PBLD: variants seen among roughly 807,000 people sequenced by gnomAD.
PBLD encodes the protein phenazine biosynthesis like protein domain containing, also known as phenazine biosynthesis-like domain-containing protein.
Under a neutral mutation model 31.3 loss-of-function variants are expected in PBLD, and 26 were observed. The observed-to-expected ratio is 0.83, with a 90% confidence interval of 0.61 to 1.15. The LOEUF (loss-of-function observed/expected upper bound fraction) is 1.15, where lower values mean the gene tolerates loss of function less well. Among genes scored for constraint, PBLD ranks in the 50% most tolerant of loss-of-function variants. PBLD has a pLI of 0.00. For missense variants in PBLD, 307 were observed against 351.7 expected (o/e 0.87, Z 1.02); for synonymous variants, 114 against 129.0 (o/e 0.88, Z 0.79).
intron 1 of PBLD, among the ~76,000 whole-genome samples, chr10:68,324,302 A>C (rs2044880822): frequency 6.6e-6 from 1 of 151,710 alleles, no homozygotes; most frequent in African/African-American, 2.4e-5. Flanking sequence ...TCAGCCTCTC[A>C]AGTAGCTGGG....
At chr10:68,309,406 CAAAAAAAAAA>C (rs58152894) in intron 1 of PBLD, among the ~76,000 whole-genome samples, 39,179 of 114,832 alleles carry the variant, frequency 0.34, 7,402 homozygotes, top group Non-Finnish European at 0.41. Context: ...GATTATGTTT[CAAAAAAAAAA>C]AAAAAAAAAA....
At chr10:68,328,143 C>T (rs2044953013) in intron 1 of PBLD, among the ~76,000 whole-genome samples, 1 of 152,044 alleles carries the variant, frequency 6.6e-6, no homozygotes, top group South Asian at 2.1e-4. Context: ...GGATATAAAC[C>T]AAAGAATAAG....
intron 6 of PBLD, among the ~76,000 whole-genome samples, chr10:68,290,281 C>G (rs2044342090): frequency 6.6e-6 from 1 of 152,178 alleles, no homozygotes; most frequent in Admixed American, 6.5e-5. Context: ...TTGGGTGGTA[C>G]TTGGGCTTTC....
chr10:68,323,831 T>C (rs1275956020), intron 1 of PBLD, among the ~76,000 whole-genome samples: 1 of 152,142 alleles, frequency 6.6e-6, no homozygotes, highest in Non-Finnish European at 1.5e-5. Flanking sequence ...CTCATTCTAG[T>C]TTTTACAACA....
At chr10:68,332,100 C>T (rs969732792) in intron 1 of PBLD, 3 of 152,352 alleles carry the variant, frequency 2.0e-5, no homozygotes, top group Non-Finnish European at 4.4e-5. Context: ...GCGGTTGTCA[C>T]CGCTGGAGAC....
chr10:68,297,017 C>A (rs1350575338), intron 2 of PBLD, 32 bp from the exon 3 acceptor site: 2 of 1,526,960 alleles, frequency 1.3e-6, no homozygotes, highest in African/African-American at 2.7e-5. Flanking sequence ...ATTGAGGTTT[C>A]AAAAACACAG....
intron 1 of PBLD, among the ~76,000 whole-genome samples, chr10:68,324,399 T>G (rs756758507): frequency 6.6e-6 from 1 of 151,732 alleles, no homozygotes; most frequent in African/African-American, 2.4e-5. Context: ...ATGGTCTCGA[T>G]CTCTTGACCT....
chr10:68,316,783 A>T (rs1163386430), intron 1 of PBLD, among the ~76,000 whole-genome samples: 1 of 152,040 alleles, frequency 6.6e-6, no homozygotes, highest in African/African-American at 2.4e-5. Context: ...GAGGCTGAGG[A>T]GGGCAGATTG....
At chr10:68,316,839 C>A (rs891681993) in intron 1 of PBLD, among the ~76,000 whole-genome samples, 1 of 152,092 alleles carries the variant, frequency 6.6e-6, no homozygotes, top group Non-Finnish European at 1.5e-5. Flanking sequence ...ACAGTGAAAC[C>A]CTGTCTCTAC....
chr10:68,302,697 T>C (rs1332156251), intron 2 of PBLD, among the ~76,000 whole-genome samples: 3 of 151,966 alleles, frequency 2.0e-5, no homozygotes, highest in Non-Finnish European at 2.9e-5. Flanking sequence ...AAAAATTAGC[T>C]GAGCGTGGTG....
At chr10:68,311,344 T>C (rs1448617335) in intron 1 of PBLD, among the ~76,000 whole-genome samples, 2 of 152,062 alleles carry the variant, frequency 1.3e-5, no homozygotes, top group South Asian at 2.1e-4. Context: ...CCCAGCACTT[T>C]GGGAGGCTGA....
At chr10:68,321,541 C>T (rs1210680857) in intron 1 of PBLD, among the ~76,000 whole-genome samples, 2 of 152,070 alleles carry the variant, frequency 1.3e-5, no homozygotes, top group African/African-American at 4.8e-5. Context: ...AATTACATAA[C>T]AGATAGGAAA....
At chr10:68,295,646 C>T (rs547102364) in intron 4 of PBLD, among the ~76,000 whole-genome samples, 63 of 151,880 alleles carry the variant, frequency 4.1e-4, no homozygotes, top group African/African-American at 1.4e-3. Flanking sequence ...TTCACAAAGA[C>T]CAGAGATCTC....
At chr10:68,327,297 C>T (rs1359539339) in intron 1 of PBLD, among the ~76,000 whole-genome samples, 1 of 152,158 alleles carries the variant, frequency 6.6e-6, no homozygotes, top group East Asian at 1.9e-4. Flanking sequence ...TCCCTGCCCC[C>T]AGTGTGACCA....
chr10:68,315,022 T>A (rs1366802434), intron 1 of PBLD, among the ~76,000 whole-genome samples: 2 of 152,048 alleles, frequency 1.3e-5, no homozygotes, highest in Non-Finnish European at 2.9e-5. Context: ...ACTCCTGACC[T>A]CAGGTGATCT....
At chr10:68,310,858 A>ACT (rs2044657606) in intron 1 of PBLD, among the ~76,000 whole-genome samples, 1 of 137,796 alleles carries the variant, frequency 7.3e-6, no homozygotes, top group Admixed American at 7.9e-5. Flanking sequence ...TTACATCTCA[A>ACT]TAAACCCATC....
chr10:68,294,089 C>T (rs944615235), intron 4 of PBLD, among the ~76,000 whole-genome samples: 2 of 152,128 alleles, frequency 1.3e-5, no homozygotes, highest in African/African-American at 4.8e-5. Flanking sequence ...TGCACATGTC[C>T]CCTATCCACA....
chr10:68,295,051 C>A (rs893371659), intron 4 of PBLD, among the ~76,000 whole-genome samples: 1 of 152,170 alleles, frequency 6.6e-6, no homozygotes, highest in African/African-American at 2.4e-5. Context: ...CCAGGAATCT[C>A]TTCTCTGTCC....
At chr10:68,319,899 C>T (rs1043491836) in intron 1 of PBLD, among the ~76,000 whole-genome samples, 5 of 150,648 alleles carry the variant, frequency 3.3e-5, no homozygotes, top group African/African-American at 9.8e-5. Context: ...TCTCGGCTCA[C>T]GGCAACCTCC....
Sources: gnomAD v4.1 joint callset for allele counts (sites outside exome capture counted in the v4.1 genomes callset) on GRCh38, gnomAD v4.1.1 for gene constraint, MANE v1.5 for transcripts, NCBI Gene and HGNC (gene_info 2026-07-23, HGNC 2026-07-21) for gene names.